Variants in TRIM26 observed in about 807,000 individuals in gnomAD.
The protein encoded by TRIM26 is tripartite motif containing 26.
In TRIM26, 16 loss-of-function variants were observed where a neutral mutation model predicts 45.5. That is an observed-to-expected ratio of 0.35 (90% confidence interval 0.24 to 0.53). The LOEUF is 0.53. TRIM26 is among the 20% of genes least tolerant of loss of function. The pLI, the probability that TRIM26 is intolerant of heterozygous loss-of-function variation, is 0.92. For missense variants in TRIM26, 442 were observed against 691.1 expected (o/e 0.64, Z 4.04); for synonymous variants, 273 against 290.4 (o/e 0.94, Z 0.61).
At position 30,209,390 on chromosome 6, in the gene TRIM26, G is replaced by A. The variant is rs1038187685; in HGVS notation, c.-376+3915C>T. ...TTGAACATGTCCCCCAAAAGTTCAC[G>A]TGTTGGAAACGTAATTGCCAATGTA... On this transcript the variant is annotated intron_variant, in intron 1 of 9. Transcript: ENST00000454678. This position sits in a 1 kb window ranked among gnomAD's most constrained non-coding sequence, Gnocchi z 4.8. Among the ~76,000 whole-genome samples, 2 of 152,170 alleles carry A rather than the reference G, an allele frequency of 1.3e-5. No homozygotes were observed. The highest frequency in any genetic ancestry group is 2.1e-4 in the South Asian group (1 of 4,836).
In TRIM26 at chr6:30,185,433, G is replaced by C. The variant is rs1245351670; in HGVS notation, c.*443C>G. On this transcript the variant is annotated 3_prime_UTR_variant, in exon 10 of 10. Transcript: ENST00000454678. The surrounding 1 kb of genome is among the most constrained non-coding windows in gnomAD (Gnocchi z 5.7). ...TAGGTCTGTTTAAAATGCCAGGGAA[G>C]GTGGGCAGCAGAGTGGATTTGTGCA... The C allele has an allele frequency of 5.6e-6, 1 of 177,602 alleles. No homozygotes were observed. Among genetic ancestry groups the C allele is most frequent in the African/African-American group, 2.4e-5 (1 of 42,358 alleles). The allele number at this position is 177,602 out of a possible 1,614,324, so 11.0% of individuals were successfully genotyped here. A position where few individuals can be genotyped will look rare whatever the true frequency, so the allele number is the denominator to read the frequency against.
At chr6:30,205,278 C>A (rs1777613999) in intron 1 of TRIM26, among the ~76,000 whole-genome samples, 1 of 152,028 alleles carries the variant, frequency 6.6e-6, no homozygotes, top group Admixed American at 6.6e-5. Flanking sequence ...CAGAAGCTAG[C>A]TGCAATTCTA....
chr6:30,198,951 G>A lies in TRIM26; in HGVS notation c.153C>T (p.Pro51=), dbSNP rs749643405. The change falls in exon 4 of 10, where the codon CCC becomes CCT. Residue 51 remains proline, a synonymous_variant. Transcript: ENST00000454678. This position sits in a 1 kb window ranked among gnomAD's most constrained non-coding sequence, Gnocchi z 6.3. The part of the protein sequence containing the change: ...TDVRPISGSR[P]VCPLCKKPFK... The stretch of plus-strand genomic sequence containing the variant: ...AAGGCTTCTTGCAGAGTGGGCAGAC[G>A]GGGCGGCTCCCTGAGATGGGGCGGA... 5 of 1,612,722 alleles carry A rather than the reference G, an allele frequency of 3.1e-6. No individual in the cohort carries two copies. Among genetic ancestry groups the A allele is most frequent in the East Asian group, 2.2e-5 (1 of 44,878 alleles).
At position 30,189,633 on chromosome 6, in the gene TRIM26, AGG is replaced by A; in HGVS notation, c.789-102_789-101del. The A allele has an allele frequency of 9.7e-7, 1 of 1,028,594 alleles. No individual in the cohort carries two copies. The allele number at this position is 1,028,594 out of a possible 1,614,324, so 63.7% of individuals were successfully genotyped here. A position where few individuals can be genotyped will look rare whatever the true frequency, so the allele number is the denominator to read the frequency against. On this transcript the variant is annotated intron_variant, in intron 7 of 9. Transcript: ENST00000454678. The surrounding 1 kb of genome is among the most constrained non-coding windows in gnomAD (Gnocchi z 5.0). ...ATGGCAATTATGAAGGGGAGAGGAA[AGG>A]TATGATTATCCCCAAACAAGTGACA...
At position 30,189,488 on chromosome 6, in the gene TRIM26, C is replaced by T. The variant is rs1305965807; in HGVS notation, c.834G>A (p.Val278=). 2 of 1,612,792 alleles carry T rather than the reference C, an allele frequency of 1.2e-6. No individual in the cohort carries two copies. Among genetic ancestry groups the T allele is most frequent in the African/African-American group, 2.7e-5 (2 of 74,852 alleles). The change falls in exon 8 of 10, where the codon GTG becomes GTA. Residue 278 remains valine, a synonymous_variant. Coordinates refer to ENST00000454678, the MANE Select transcript of TRIM26 (RefSeq NM_003449.5). The surrounding 1 kb of genome is among the most constrained non-coding windows in gnomAD (Gnocchi z 5.0). The part of the protein sequence containing the change: ...KFWVGKPIAR[V]VKKKTGEFSD... ...AGAATTCTCCGGTCTTTTTTTTAACCACTCGAGCAATGGGTTTCCCAACCC... is the reference window on the plus strand; with the variant it reads ...AGAATTCTCCGGTCTTTTTTTTAACTACTCGAGCAATGGGTTTCCCAACCC...
At position 30,189,367 on chromosome 6, in the gene TRIM26, C is replaced by T. The variant is rs186742306; in HGVS notation, c.904+51G>A. 9.4e-6 allele frequency: 15 copies of T among 1,592,878 alleles called. No individual in the cohort carries two copies. The East Asian group carries it at 1.1e-4, about 12-fold the overall frequency. ...AAAGGAGCTGGGTGCGCTCTTTCTACGAGGTAGCCCTGCTCTGACTCCCAC... is the reference window on the plus strand; with the variant it reads ...AAAGGAGCTGGGTGCGCTCTTTCTATGAGGTAGCCCTGCTCTGACTCCCAC... On this transcript the variant is annotated intron_variant, in intron 8 of 9. Coordinates refer to ENST00000454678, the MANE Select transcript of TRIM26 (RefSeq NM_003449.5). The surrounding 1 kb of genome is among the most constrained non-coding windows in gnomAD (Gnocchi z 5.0).
Position 30,185,750 on chromosome 6 carries a change from T to C in TRIM26, c.*126A>G, listed in dbSNP as rs898218558. ...GGGGCCACAGCAATGGGGAGGTGGC[T>C]ACCAGTGGATATGGGGTCCCCTGCT... On this transcript the variant is annotated 3_prime_UTR_variant, in exon 10 of 10. Transcript: ENST00000454678. This position sits in a 1 kb window ranked among gnomAD's most constrained non-coding sequence, Gnocchi z 5.7. The C allele has an allele frequency of 5.7e-6, 6 of 1,044,694 alleles. No homozygotes were observed. In the African/African-American group the frequency reaches 9.7e-5, roughly 17 times the overall value. 64.7% of individuals were successfully genotyped at this position (1,044,694 alleles called of 1,614,324 possible). A position where few individuals can be genotyped will look rare whatever the true frequency, so the allele number is the denominator to read the frequency against.
intron 6 of TRIM26, among the ~76,000 whole-genome samples, chr6:30,194,885 G>C (rs1190349432): frequency 6.6e-6 from 1 of 152,098 alleles, no homozygotes; most frequent in East Asian, 1.9e-4. Context: ...GACAGAGCGA[G>C]ACTCTGTCTC....
chr6:30,203,680 G>A (rs1328438624), intron 2 of TRIM26, among the ~76,000 whole-genome samples: 1 of 152,170 alleles, frequency 6.6e-6, no homozygotes, highest in East Asian at 1.9e-4. Flanking sequence ...GCTTCCCAAA[G>A]TGCTGGGATT....
At chr6:30,200,645 G>A (rs1285136213) in intron 3 of TRIM26, among the ~76,000 whole-genome samples, 8 of 152,202 alleles carry the variant, frequency 5.3e-5, no homozygotes, top group Admixed American at 5.2e-4. Context: ...TACCTTTGTA[G>A]TCCTGACCCA....
In TRIM26 at chr6:30,185,805, C is replaced by T; in HGVS notation, c.*71G>A. 1.3e-6 allele frequency: 2 copies of T among 1,525,438 alleles called. No individual in the cohort carries two copies. Among genetic ancestry groups the T allele is most frequent in the Non-Finnish European group, 1.8e-6 (2 of 1,129,130 alleles). The allele number at this position is 1,525,438 out of a possible 1,614,324, so 94.5% of individuals were successfully genotyped here. On this transcript the variant is annotated 3_prime_UTR_variant, in exon 10 of 10. Transcript: ENST00000454678. The surrounding 1 kb of genome is among the most constrained non-coding windows in gnomAD (Gnocchi z 5.7). ...GTGCTTAGGCCAGGCATCCCGTCCC[C>T]CCATTGAGAGTCCTGGAATTCCAAA... is the stretch of plus-strand genomic sequence containing the variant.
At chr6:30,210,248 C>A (rs1778152374) in intron 1 of TRIM26, among the ~76,000 whole-genome samples, 1 of 151,744 alleles carries the variant, frequency 6.6e-6, no homozygotes, top group Non-Finnish European at 1.5e-5. Flanking sequence ...CCCTGCCCTG[C>A]ATCCGGCTAG....
intron 6 of TRIM26, among the ~76,000 whole-genome samples, chr6:30,193,156 GTGTGTGTATA>G (rs1562199819): frequency 5.0e-4 from 25 of 50,108 alleles, no homozygotes; most frequent in African/African-American, 1.4e-3. Context: ...GTGTGTGTGT[GTGTGTGTATA>G]TATATATATA....
chr6:30,204,367 G>C (rs1185902469), intron 2 of TRIM26, among the ~76,000 whole-genome samples: 1 of 152,206 alleles, frequency 6.6e-6, no homozygotes, highest in Non-Finnish European at 1.5e-5. Context: ...TTTGTAAGCG[G>C]AGTAATGCTG....
At chr6:30,194,788 G>A (rs537525403) in intron 6 of TRIM26, among the ~76,000 whole-genome samples, 28 of 152,284 alleles carry the variant, frequency 1.8e-4, no homozygotes, top group African/African-American at 6.5e-4. Flanking sequence ...CCAGGAGACA[G>A]AGGTTGCAGA....
chr6:30,191,085 T>G (rs1775778629), intron 6 of TRIM26, among the ~76,000 whole-genome samples: 2 of 151,744 alleles, frequency 1.3e-5, no homozygotes, highest in African/African-American at 4.8e-5. Flanking sequence ...GTGGTGGCAG[T>G]AGGGAGAAAA....
Position 30,213,309 on chromosome 6 carries a change from C to A in TRIM26, c.-380G>T. On this transcript the variant is annotated 5_prime_UTR_variant, in exon 1 of 10. Transcript: ENST00000454678. ...TCATGTGCACCCCCTACTCACCGGTCCCGAGCTCCGGGCCGCGAATCCCGG... is the reference window on the plus strand; with the variant it reads ...TCATGTGCACCCCCTACTCACCGGTACCGAGCTCCGGGCCGCGAATCCCGG... 6.6e-6 allele frequency: 1 copy of A among 152,478 alleles called. No individual in the cohort carries two copies. Among genetic ancestry groups the A allele is most frequent in the Non-Finnish European group, 1.5e-5 (1 of 68,136 alleles). 9.4% of individuals were successfully genotyped at this position (152,478 alleles called of 1,614,324 possible).
intron 2 of TRIM26, among the ~76,000 whole-genome samples, chr6:30,201,779 C>G (rs1010623172): frequency 6.6e-6 from 1 of 151,262 alleles, no homozygotes. Context: ...ACCCGGGAGG[C>G]AGAGGTTGCA....
chr6:30,189,459 T>C lies in TRIM26; in HGVS notation c.863A>G (p.Asp288Gly), dbSNP rs1775584198. ...GCCTCGTTGCAGAGAGAGGAGTTTA[T>C]CTGAGAATTCTCCGGTCTTTTTTTT... ...VVKKKTGEFS[D>G]KLLSLQRGLR... The change falls in exon 8 of 10, where the codon GAT becomes GGT. Residue 288 changes from aspartate (D) to glycine (G), a missense_variant. By Grantham distance (94) the Asp-to-Gly change is moderately conservative. Transcript: ENST00000454678. The surrounding 1 kb of genome is among the most constrained non-coding windows in gnomAD (Gnocchi z 5.0). The C allele has an allele frequency of 6.2e-7, 1 of 1,612,904 alleles. No individual in the cohort carries two copies. The highest frequency in any genetic ancestry group is 1.3e-5 in the African/African-American group (1 of 74,892).
Sources: gnomAD v4.1 joint callset for allele counts (sites outside exome capture counted in the v4.1 genomes callset) on GRCh38, gnomAD v4.1.1 for gene constraint, Gnocchi (gnomAD v3.1) non-coding constraint, MANE v1.5 for transcripts, NCBI Gene and HGNC (gene_info 2026-07-23, HGNC 2026-07-21) for gene names.